Variants in EPRS1 observed in about 807,000 individuals in gnomAD.
The protein encoded by EPRS1 is bifunctional glutamate/proline--tRNA ligase.
EPRS1 carries 107 observed loss-of-function variants against 188.3 expected under a neutral mutation model. The ratio of observed to expected loss-of-function variants is 0.57; its 90% CI spans 0.49 to 0.67. EPRS1 has a LOEUF of 0.67. EPRS1 is among the 30% of genes least tolerant of loss of function. EPRS1 has a pLI of 0.00. For synonymous variants in EPRS1, 596 were observed against 593.1 expected, an observed-to-expected ratio of 1.00 and a Z score of -0.07; for missense variants, 1,577 against 1,802.2, an observed-to-expected ratio of 0.88 and a Z score of 2.26.
At chr1:219,992,798 G>A (rs1661149004) in intron 18 of EPRS1, among the ~76,000 whole-genome samples, 1 of 152,038 alleles carries the variant, frequency 6.6e-6, no homozygotes, top group Non-Finnish European at 1.5e-5. Flanking sequence ...GTCGTGGCAC[G>A]CGCCTGTAAT....
chr1:220,010,550 G>A (rs1661581850), intron 13 of EPRS1, among the ~76,000 whole-genome samples: 1 of 152,058 alleles, frequency 6.6e-6, no homozygotes, highest in Non-Finnish European at 1.5e-5. Context: ...AGTGGCTCAC[G>A]CCTGTAATTC....
intron 20 of EPRS1, 83 bp from the exon 21 acceptor site, chr1:219,984,340 AATAGAT>A: frequency 1.1e-6 from 1 of 910,162 alleles, no homozygotes; most frequent in Non-Finnish European, 1.8e-6. Flanking sequence ...TAAAGTTCAA[AATAGAT>A]TAGTCTTTCT....
intron 23 of EPRS1, 54 bp downstream of exon 23, chr1:219,982,718 G>T: frequency 7.1e-7 from 1 of 1,400,082 alleles, no homozygotes; most frequent in Non-Finnish European, 1.0e-6. Context: ...CAACTTTAGA[G>T]GCTGTCTCTA....
At chr1:219,971,243 T>C (rs1660658926) in intron 30 of EPRS1, among the ~76,000 whole-genome samples, 1 of 152,200 alleles carries the variant, frequency 6.6e-6, no homozygotes, top group African/African-American at 2.4e-5. Context: ...CTAAAGTCCA[T>C]AAGTGATTCA....
At position 220,022,990 on chromosome 1, in the gene EPRS1, C is replaced by T. The variant is rs3820456; in HGVS notation, c.944-472G>A. On this transcript the variant is annotated intron_variant, in intron 8 of 31. Coordinates refer to ENST00000366923, the MANE Select transcript of EPRS1 (RefSeq NM_004446.3). ...TAAGGTCCCACAGGCATTGGCACTA[C>T]AGACCGTGCCTATCTAAAGAACACA... 4.2e-4 allele frequency among the ~76,000 whole-genome samples: 64 copies of T among 152,350 alleles called. 1 individual carries two copies. The East Asian group carries it at 0.011, about 27-fold the overall frequency.
Position 219,968,630 on chromosome 1 carries a change from T to C in EPRS1, c.*176A>G. The C allele has an allele frequency of 1.7e-6, 1 of 584,458 alleles. No homozygotes were observed. 36.2% of individuals were successfully genotyped at this position (584,458 alleles called of 1,614,324 possible). A position where few individuals can be genotyped will look rare whatever the true frequency, so the allele number is the denominator to read the frequency against. On this transcript the variant is annotated 3_prime_UTR_variant, in exon 32 of 32. Coordinates refer to ENST00000366923, the MANE Select transcript of EPRS1 (RefSeq NM_004446.3). ...TCATGATATTTATTACTGGAGTTGT[T>C]TACAGAAAAGTCTTTTATCCACTGT...
chr1:220,046,403 T>G lies in EPRS1; in HGVS notation c.-15A>C. ...AGCGTCGCCATCTCCACCAGTCCGC[T>G]GGTCCACCTGTCAGTACGCCTGGCT... On this transcript the variant is annotated 5_prime_UTR_variant, in exon 1 of 32. Transcript: ENST00000366923. 1 of 1,613,938 alleles carries G rather than the reference T, an allele frequency of 6.2e-7. No individual in the cohort carries two copies. The highest frequency in any genetic ancestry group is 8.5e-7 in the Non-Finnish European group (1 of 1,179,980).
Position 220,007,328 on chromosome 1 carries a change from A to T in EPRS1, c.1616T>A (p.Val539Asp), listed in dbSNP as rs1661509048. 1.2e-6 allele frequency: 2 copies of T among 1,608,226 alleles called. No individual in the cohort carries two copies. Among genetic ancestry groups the T allele is most frequent in the African/African-American group, 2.7e-5 (2 of 74,768 alleles). Residue 539 changes from valine to aspartate, a missense_variant, in exon 14 of 32, where the codon GTT becomes GAT. This residue lies in a region of EPRS1 where 1,278 missense variants were observed against 1,457.4 expected (regional missense o/e 0.88). Coordinates refer to ENST00000366923, the MANE Select transcript of EPRS1 (RefSeq NM_004446.3). ...ACTATACCACACAGGCTTCAAGCCA[A>T]CCTCAGGATTCTGATTGATAAAGAA... ...EVAKHPKNPE[V>D]GLKPVWYSPK...
At position 220,024,326 on chromosome 1, in the gene EPRS1, G is replaced by A. The variant is rs1177719051; in HGVS notation, c.881C>T (p.Thr294Ile). 3 of 1,613,502 alleles carry A rather than the reference G, an allele frequency of 1.9e-6. No homozygotes were observed. The highest frequency in any genetic ancestry group is 2.2e-5 in the South Asian group (2 of 91,006). Residue 294 changes from threonine to isoleucine, a missense_variant, in exon 8 of 32, where the codon ACT becomes ATT. Around this residue, in one of 3 missense-constraint regions of EPRS1, gnomAD observed 1,278 missense variants for 1,457.4 expected, o/e 0.88. Coordinates refer to ENST00000366923, the MANE Select transcript of EPRS1 (RefSeq NM_004446.3). ...TTCTGCTTTCATCTGTTCAGCAGGA[G>A]TATCATCCACATAAGCCTTCCCTTC... is the stretch of plus-strand genomic sequence containing the variant. ...IQEGKAYVDD[T>I]PAEQMKAERE...
At chr1:220,018,642 T>TA (rs1339908904) in intron 11 of EPRS1, 134 bp from the exon 12 acceptor site, 13 of 673,306 alleles carry the variant, frequency 1.9e-5, no homozygotes, top group Non-Finnish European at 3.1e-5. Flanking sequence ...TAGTGAAATA[T>TA]AAAACTCAGT....
chr1:220,018,024 T>C, intron 12 of EPRS1: 1 of 579,520 alleles, frequency 1.7e-6, no homozygotes, highest in South Asian at 1.7e-5. Flanking sequence ...GCAAGTCTTT[T>C]ATATAAATGT....
intron 28 of EPRS1, 84 bp downstream of exon 28, chr1:219,978,462 A>T (rs1185894812): frequency 1.1e-5 from 10 of 937,352 alleles, no homozygotes; most frequent in African/African-American, 5.7e-5. Context: ...GTAATGAGAA[A>T]CCTCGTTTTA....
At position 220,018,650 on chromosome 1, in the gene EPRS1, A is replaced by G. The variant is rs770786849; in HGVS notation, c.1435-142T>C. On this transcript the variant is annotated intron_variant, in intron 11 of 31. Coordinates refer to ENST00000366923, the MANE Select transcript of EPRS1 (RefSeq NM_004446.3). ...TTACTTCTAGTGAAATATAAAACTC[A>G]GTGTATACAAACTAATTTGGTTACC... The G allele has an allele frequency of 3.1e-4, 207 of 658,978 alleles. 1 individual carries two copies. Among genetic ancestry groups the G allele is most frequent in the Middle Eastern group, 8.2e-4 (2 of 2,430 alleles). 40.8% of individuals were successfully genotyped at this position (658,978 alleles called of 1,614,324 possible).
rs758906709 is a variant in EPRS1 at position 220,034,908 on chromosome 1, G to A, written c.231+6C>T. 2.7e-6 allele frequency: 4 copies of A among 1,500,652 alleles called. No homozygotes were observed. The highest frequency in any genetic ancestry group is 3.7e-6 in the Non-Finnish European group (4 of 1,076,828). The allele number at this position is 1,500,652 out of a possible 1,614,324, so 93.0% of individuals were successfully genotyped here. The stretch of plus-strand genomic sequence containing the variant: ...AAACACACACAACAAAATGTTCATT[G>A]CTTACCTCAGTATGTTCCATCAGAT... On this transcript the variant is annotated splice_donor_region_variant and intron_variant, in intron 3 of 31. Coordinates refer to ENST00000366923, the MANE Select transcript of EPRS1 (RefSeq NM_004446.3).
chr1:220,010,090 T>A (rs1661569528), intron 13 of EPRS1, among the ~76,000 whole-genome samples: 1 of 14,306 alleles, frequency 7.0e-5, no homozygotes, highest in Admixed American at 8.2e-4. Context: ...AGCGCAACTG[T>A]CTCAAAAAAA....
intron 18 of EPRS1, among the ~76,000 whole-genome samples, chr1:219,992,127 C>T (rs1661135865): frequency 6.6e-6 from 1 of 152,138 alleles, no homozygotes; most frequent in Admixed American, 6.5e-5. Context: ...AGGGTGGCGG[C>T]TTCCTAGAAC....
chr1:220,018,481 C>T lies in EPRS1; in HGVS notation c.1462G>A (p.Glu488Lys). The change falls in exon 12 of 32, where the codon GAG (glutamate) becomes AAG (lysine). Residue 488 changes from glutamate to lysine, a missense_variant. Glu to Lys is a moderately conservative substitution (Grantham distance 56). This residue lies in a region of EPRS1 where 1,278 missense variants were observed against 1,457.4 expected (regional missense o/e 0.88). Transcript: ENST00000366923. The stretch of plus-strand genomic sequence containing the variant: ...TTAAACGCCCAGATTTTGTCCCACT[C>T]CATGTTCACGACTGAACGTGAGGAG... ...QGSSRSVVNM[E>K]WDKIWAFNKK... is the part of the protein sequence containing the mutation. 6.2e-7 allele frequency: 1 copy of T among 1,612,282 alleles called. No homozygotes were observed. Among genetic ancestry groups the T allele is most frequent in the Non-Finnish European group, 8.5e-7 (1 of 1,179,234 alleles).
Position 220,020,206 on chromosome 1 carries a change from A to C in EPRS1, c.1131T>G (p.Tyr377Ter). 6.2e-7 allele frequency: 1 copy of C among 1,610,032 alleles called. No homozygotes were observed. Among genetic ancestry groups the C allele is most frequent in the Non-Finnish European group, 8.5e-7 (1 of 1,177,032 alleles). ...TGTCAACTATGGGGCAGGCAAAATC[A>C]TATGTTGGATAAACACTAGAAAAAA... ...TGNKYNVYPT[Y>*]DFACPIVDSI... Residue 377 changes from tyrosine to a stop codon, truncating the protein, a stop_gained, in exon 10 of 32, where the codon TAT becomes TAG. Coordinates refer to ENST00000366923, the MANE Select transcript of EPRS1 (RefSeq NM_004446.3). LOFTEE classifies it high-confidence loss of function.
intron 4 of EPRS1, among the ~76,000 whole-genome samples, chr1:220,033,022 G>C (rs1171355063): frequency 2.6e-5 from 4 of 152,076 alleles, no homozygotes; most frequent in African/African-American, 9.7e-5. Context: ...GTTGGAAAAA[G>C]CATATTCTTA....
Sources: gnomAD v4.1 joint callset for allele counts (sites outside exome capture counted in the v4.1 genomes callset) on GRCh38, gnomAD v4.1.1 for gene constraint, gnomAD v4.1.1 regional missense constraint, MANE v1.5 for transcripts, NCBI Gene and HGNC (gene_info 2026-07-23, HGNC 2026-07-21) for gene names.